The following HOMER1 variants were observed in gnomAD, a reference collection of about 807,000 sequenced individuals.
HOMER1 encodes the protein homer scaffold protein 1, also known as homer protein homolog 1.
HOMER1 carries 3 observed loss-of-function variants against 48.9 expected under a neutral mutation model. The ratio of observed to expected loss-of-function variants is 0.06; its 90% CI spans 0.03 to 0.16. HOMER1 has a LOEUF of 0.16. Ranked by LOEUF, HOMER1 falls within the 10% of genes least tolerant of loss-of-function variation. HOMER1 has a pLI of 1.00. For synonymous variants in HOMER1, 134 were observed against 146.4 expected, an observed-to-expected ratio of 0.92 and a Z score of 0.61; for missense variants, 247 against 411.4, an observed-to-expected ratio of 0.60 and a Z score of 3.46.
chr5:79,475,428 CT>C (rs370912747), intron 1 of HOMER1, among the ~76,000 whole-genome samples: 6,398 of 127,038 alleles, frequency 0.05, 150 homozygotes, highest in African/African-American at 0.098. Context: ...AATTCTTAGA[CT>C]TTTTTTTTTT....
rs1224587512 is a variant in HOMER1 at position 79,397,523 on chromosome 5, A to T, written c.795+4T>A. On this transcript the variant is annotated splice_donor_region_variant and intron_variant, in intron 7 of 8. Transcript: ENST00000334082. Reference sequence around the variant, plus strand: ...ATTACAGATGAGTAAAAAGCAGCAAATACCTCTTCCTTCAGTTTCAGTGTC... The same window carrying T: ...ATTACAGATGAGTAAAAAGCAGCAATTACCTCTTCCTTCAGTTTCAGTGTC... The T allele has an allele frequency of 6.6e-7, 1 of 1,520,706 alleles. No individual in the cohort carries two copies. The highest frequency in any genetic ancestry group is 1.7e-5 in the Admixed American group (1 of 58,834). The allele number at this position is 1,520,706 out of a possible 1,614,324, so 94.2% of individuals were successfully genotyped here. A position where few individuals can be genotyped will look rare whatever the true frequency, so the allele number is the denominator to read the frequency against.
chr5:79,375,987 T>G lies in HOMER1; in HGVS notation c.*22A>C. ...AGAGACAGTGTATCTTTTAATTAAT[T>G]GGCACTGAAATTTCACTTTCCTTAG... On this transcript the variant is annotated 3_prime_UTR_variant, in exon 9 of 9. Transcript: ENST00000334082. 1 of 1,549,508 alleles carries G rather than the reference T, an allele frequency of 6.5e-7. No homozygotes were observed. The highest frequency in any genetic ancestry group is 8.8e-7 in the Non-Finnish European group (1 of 1,132,138).
intron 1 of HOMER1, among the ~76,000 whole-genome samples, chr5:79,495,576 C>A (rs3935900): frequency 0.027 from 4,173 of 152,306 alleles, 195 homozygotes; most frequent in African/African-American, 0.095. Flanking sequence ...ACTCACGACA[C>A]AAATTAAGTG....
intron 1 of HOMER1, among the ~76,000 whole-genome samples, chr5:79,503,234 T>C (rs1580045207): frequency 3.9e-5 from 6 of 151,962 alleles, no homozygotes; most frequent in Admixed American, 3.9e-4. Flanking sequence ...AAATAAAACA[T>C]GTTATTAAGA....
chr5:79,474,994 G>A (rs1033960804), intron 1 of HOMER1, among the ~76,000 whole-genome samples: 2 of 152,142 alleles, frequency 1.3e-5, no homozygotes, highest in Non-Finnish European at 2.9e-5. Context: ...GGAAGCCACA[G>A]GCTGCATAAT....
chr5:79,430,451 C>A (rs978794646), intron 5 of HOMER1, among the ~76,000 whole-genome samples: 1 of 152,214 alleles, frequency 6.6e-6, no homozygotes, highest in South Asian at 2.1e-4. Flanking sequence ...AGCTGCTTTG[C>A]AGTTCCTCCA....
chr5:79,436,138 A>C (rs1750577359), intron 5 of HOMER1, among the ~76,000 whole-genome samples: 1 of 150,066 alleles, frequency 6.7e-6, no homozygotes, highest in African/African-American at 2.5e-5. Context: ...GTCTCAAAAA[A>C]AATAAATAAA....
rs1466037658 is a variant in HOMER1, at chr5:79,373,387, C to T, written c.*2622G>A. 2.0e-5 allele frequency: 3 copies of T among 151,712 alleles called. No homozygotes were observed. Among genetic ancestry groups the T allele is most frequent in the African/African-American group, 4.8e-5 (2 of 41,320 alleles). The allele number at this position is 151,712 out of a possible 1,614,324, so 9.4% of individuals were successfully genotyped here. ...TACACAATGGGATCAACCTCCTCCT[C>T]CATGTCGCTTCAAGTCCACATGTTC... On this transcript the variant is annotated 3_prime_UTR_variant, in exon 9 of 9. Coordinates refer to ENST00000334082, the MANE Select transcript of HOMER1 (RefSeq NM_004272.5).
chr5:79,499,359 A>G (rs559289050), intron 1 of HOMER1, among the ~76,000 whole-genome samples: 2 of 152,298 alleles, frequency 1.3e-5, no homozygotes, highest in South Asian at 4.1e-4. Flanking sequence ...TACCAAACAC[A>G]TGTAATAAAT....
At chr5:79,434,558 T>TA (rs938691903) in intron 5 of HOMER1, among the ~76,000 whole-genome samples, 3 of 152,108 alleles carry the variant, frequency 2.0e-5, no homozygotes, top group Non-Finnish European at 4.4e-5. Context: ...TCATTTAGGT[T>TA]AAAAAATGTT....
chr5:79,469,739 C>T (rs1580004651), intron 1 of HOMER1, among the ~76,000 whole-genome samples: 1 of 151,836 alleles, frequency 6.6e-6, no homozygotes, highest in Admixed American at 6.6e-5. Flanking sequence ...CTCAAGGGAT[C>T]CTCTCACCTC....
chr5:79,397,555 A>C lies in HOMER1; in HGVS notation c.767T>G (p.Leu256Arg). The change falls in exon 7 of 9, where the codon CTG (leucine) becomes CGG (arginine). Residue 256 changes from leucine to arginine, a missense_variant. Physicochemically the swap from Leu to Arg is moderately radical, Grantham distance 102. This residue lies in a region of HOMER1 where 113 missense variants were observed against 152.5 expected (regional missense o/e 0.74). Coordinates refer to ENST00000334082, the MANE Select transcript of HOMER1 (RefSeq NM_004272.5). ...KTELNQTIQE[L>R]EETLKLKEEE... is the part of the protein sequence containing the mutation. ...TTCCTTCAGTTTCAGTGTCTCTTCC[A>C]GTTCTTGTATTGTCTGATTTAATTC... 3 of 1,605,580 alleles carry C rather than the reference A, an allele frequency of 1.9e-6. No homozygotes were observed. The highest frequency in any genetic ancestry group is 2.6e-6 in the Non-Finnish European group (3 of 1,174,258).
intron 4 of HOMER1, among the ~76,000 whole-genome samples, chr5:79,439,407 AAC>A (rs1409899788): frequency 1.1e-4 from 17 of 152,354 alleles, no homozygotes; most frequent in African/African-American, 3.4e-4. Context: ...ACGGAAATAT[AAC>A]ACAATTTAGA....
rs1159030406 is a variant in HOMER1, at chr5:79,374,354, C to T, written c.*1655G>A. 1 of 152,340 alleles carries T rather than the reference C, an allele frequency of 6.6e-6. No individual in the cohort carries two copies. The highest frequency in any genetic ancestry group is 2.4e-5 in the African/African-American group (1 of 41,416). 9.4% of individuals were successfully genotyped at this position (152,340 alleles called of 1,614,324 possible). On this transcript the variant is annotated 3_prime_UTR_variant, in exon 9 of 9. Coordinates refer to ENST00000334082, the MANE Select transcript of HOMER1 (RefSeq NM_004272.5). Reference sequence around the variant, plus strand: ...TTTTTCAGAGACACCTGAAAACTCACTTAAGAAACTAACTTCAGAAACAAA... The same window carrying T: ...TTTTTCAGAGACACCTGAAAACTCATTTAAGAAACTAACTTCAGAAACAAA...
chr5:79,454,059 T>G (rs1751098085), intron 2 of HOMER1, among the ~76,000 whole-genome samples: 1 of 152,198 alleles, frequency 6.6e-6, no homozygotes, highest in South Asian at 2.1e-4. Flanking sequence ...TCATTTATGA[T>G]TCTAATAATT....
chr5:79,501,557 C>T (rs1038146852), intron 1 of HOMER1, among the ~76,000 whole-genome samples: 1 of 152,150 alleles, frequency 6.6e-6, no homozygotes, highest in South Asian at 2.1e-4. Flanking sequence ...TTTTCAGTAC[C>T]ATCTGTAAGG....
chr5:79,491,075 CAAAAAAAAAAAAAAAAAAA>C (rs10527802), intron 1 of HOMER1, among the ~76,000 whole-genome samples: 35 of 37,254 alleles, frequency 9.4e-4, no homozygotes, highest in Admixed American at 4.2e-3. Flanking sequence ...AGTACCAAAG[CAAAAAAAAAAAAAAAAAAA>C]AAAAAAAAAA....
At chr5:79,452,055 C>T (rs193073596) in intron 2 of HOMER1, among the ~76,000 whole-genome samples, 6 of 152,088 alleles carry the variant, frequency 3.9e-5, no homozygotes, top group Admixed American at 3.9e-4. Flanking sequence ...ATACTAAAAA[C>T]CTATGCATAC....
intron 5 of HOMER1, among the ~76,000 whole-genome samples, chr5:79,428,816 G>A (rs1750343241): frequency 6.6e-6 from 1 of 152,166 alleles, no homozygotes; most frequent in African/African-American, 2.4e-5. Context: ...CAAGTTCATA[G>A]ATCACAAAAG....
Sources: gnomAD v4.1 joint callset for allele counts (sites outside exome capture counted in the v4.1 genomes callset) on GRCh38, gnomAD v4.1.1 for gene constraint, gnomAD v4.1.1 regional missense constraint, MANE v1.5 for transcripts, NCBI Gene and HGNC (gene_info 2026-07-23, HGNC 2026-07-21) for gene names.